Variants in EFHB observed in about 807,000 individuals in gnomAD.
The protein encoded by EFHB is EF-hand domain-containing family member B.
Under a neutral mutation model 87.2 loss-of-function variants are expected in EFHB, and 91 were observed. The observed-to-expected ratio is 1.04, with a 90% confidence interval of 0.88 to 1.24. EFHB has a LOEUF of 1.24. EFHB is among the 50% of genes most tolerant of loss of function. The probability of loss-of-function intolerance (pLI) is 0.00; values close to 1 mark genes in which losing one functional copy is unlikely to be tolerated. For synonymous variants in EFHB, 325 were observed against 333.6 expected (o/e 0.97, Z 0.28); for missense variants, 1,084 against 998.8 (o/e 1.09, Z -1.15).
At chr3:19,909,459 C>G (rs1694982270) in intron 5 of EFHB, among the ~76,000 whole-genome samples, 1 of 152,226 alleles carries the variant, frequency 6.6e-6, no homozygotes, top group Non-Finnish European at 1.5e-5. Context: ...CACTCTGTGT[C>G]TCCAAGTAAC....
intron 1 of EFHB, among the ~76,000 whole-genome samples, chr3:19,942,699 C>T (rs1009696415): frequency 6.6e-6 from 1 of 152,132 alleles, no homozygotes; most frequent in South Asian, 2.1e-4. Flanking sequence ...AAGAGAGTGA[C>T]AGATCATCAG....
intron 10 of EFHB, among the ~76,000 whole-genome samples, chr3:19,888,098 C>T (rs1417156780): frequency 6.6e-6 from 1 of 152,162 alleles, no homozygotes; most frequent in Non-Finnish European, 1.5e-5. Context: ...TTCTTTCCTA[C>T]ACTACTACAG....
chr3:19,895,548 T>G (rs1694453562), intron 9 of EFHB, among the ~76,000 whole-genome samples: 1 of 152,134 alleles, frequency 6.6e-6, no homozygotes, highest in Non-Finnish European at 1.5e-5. Flanking sequence ...GATGATCATC[T>G]TTCCTTTAAT....
chr3:19,934,031 C>A lies in EFHB; in HGVS notation c.-13G>T. 6.3e-7 allele frequency: 1 copy of A among 1,580,426 alleles called. No individual in the cohort carries two copies. The highest frequency in any genetic ancestry group is 2.3e-5 in the East Asian group (1 of 43,882). On this transcript the variant is annotated 5_prime_UTR_variant, in exon 1 of 13. Transcript: ENST00000295824. Reference sequence around the variant, plus strand: ...TCTCCATGTTCATGGACGATTTCTCCCCATTCTCATTTCTCCAAGAGCGCT... The same window carrying A: ...TCTCCATGTTCATGGACGATTTCTCACCATTCTCATTTCTCCAAGAGCGCT...
chr3:19,919,322 G>A (rs919311377), intron 3 of EFHB, among the ~76,000 whole-genome samples: 5 of 150,948 alleles, frequency 3.3e-5, no homozygotes, highest in African/African-American at 9.7e-5. Context: ...TCAGCCTCCC[G>A]AGTAGCTGGG....
chr3:19,915,757 T>TAA (rs58066421), intron 4 of EFHB, among the ~76,000 whole-genome samples: 17 of 141,398 alleles, frequency 1.2e-4, no homozygotes, highest in East Asian at 4.3e-4. Flanking sequence ...CCATTTCTAC[T>TAA]AAAAAAAAAA....
At chr3:19,909,460 T>C (rs1034581533) in intron 5 of EFHB, among the ~76,000 whole-genome samples, 2 of 152,158 alleles carry the variant, frequency 1.3e-5, no homozygotes, top group African/African-American at 4.8e-5. Context: ...ACTCTGTGTC[T>C]CCAAGTAACC....
chr3:19,909,455 G>A (rs765721175), intron 5 of EFHB, among the ~76,000 whole-genome samples: 1 of 152,214 alleles, frequency 6.6e-6, no homozygotes, highest in Non-Finnish European at 1.5e-5. Context: ...ACAGCACTCT[G>A]TGTCTCCAAG....
chr3:19,908,652 GAAAA>G (rs1188536789), intron 5 of EFHB, among the ~76,000 whole-genome samples: 1 of 148,558 alleles, frequency 6.7e-6, no homozygotes, highest in Non-Finnish European at 1.5e-5. Context: ...AAGAAAGAAA[GAAAA>G]AGAAAGTTCT....
chr3:19,879,625 A>G lies in EFHB; in HGVS notation c.*6T>C. The G allele has an allele frequency of 6.5e-7, 1 of 1,548,108 alleles. No individual in the cohort carries two copies. The highest frequency in any genetic ancestry group is 8.7e-7 in the Non-Finnish European group (1 of 1,150,042). On this transcript the variant is annotated 3_prime_UTR_variant, in exon 13 of 13. Coordinates refer to ENST00000295824, the MANE Select transcript of EFHB (RefSeq NM_144715.4). ...CTTTTGCTTGAATGAATGAAGTCCA[A>G]AAATATCACATGAGTGTTTTACACT... is the stretch of plus-strand genomic sequence containing the variant.
intron 10 of EFHB, among the ~76,000 whole-genome samples, chr3:19,887,765 T>C (rs1694157206): frequency 6.6e-6 from 1 of 152,238 alleles, no homozygotes; most frequent in African/African-American, 2.4e-5. Context: ...GATGTAAACA[T>C]TATAACATTT....
chr3:19,920,979 G>A (rs1023964892), intron 1 of EFHB, among the ~76,000 whole-genome samples: 4 of 152,072 alleles, frequency 2.6e-5, no homozygotes, highest in African/African-American at 4.8e-5. Context: ...CCAGGAGTTC[G>A]AGGCTACAGT....
intron 1 of EFHB, among the ~76,000 whole-genome samples, chr3:19,921,046 C>T (rs1255194262): frequency 2.6e-5 from 4 of 151,686 alleles, no homozygotes; most frequent in Admixed American, 2.0e-4. Flanking sequence ...ACCTTGCCTC[C>T]GAAAATAAAT....
Position 19,933,962 on chromosome 3 carries a change from C to A in EFHB, c.57G>T (p.Arg19Ser). 6.2e-7 allele frequency: 1 copy of A among 1,613,166 alleles called. No individual in the cohort carries two copies. Among genetic ancestry groups the A allele is most frequent in the Non-Finnish European group, 8.5e-7 (1 of 1,179,490 alleles). The change falls in exon 1 of 13, where the codon AGG becomes AGT. Residue 19 changes from arginine to serine, a missense_variant. By Grantham distance (110) the Arg-to-Ser change is moderately radical. Coordinates refer to ENST00000295824, the MANE Select transcript of EFHB (RefSeq NM_144715.4). The stretch of plus-strand genomic sequence containing the variant: ...TGGGAAATTTTGTTCCCATGATGAC[C>A]CTCTTGTCTCCTAAATCATCCTTTC... ...HEGKDDLGDK[R>S]VIMGTKFPME... is the part of the protein sequence containing the mutation.
At chr3:19,911,122 C>T (rs1047788486) in intron 5 of EFHB, among the ~76,000 whole-genome samples, 2 of 152,170 alleles carry the variant, frequency 1.3e-5, no homozygotes, top group African/African-American at 4.8e-5. Context: ...AAGGAACAAT[C>T]ATGGAGCAAC....
chr3:19,930,779 T>C (rs891016789), intron 1 of EFHB, among the ~76,000 whole-genome samples: 1 of 152,102 alleles, frequency 6.6e-6, no homozygotes, highest in Non-Finnish European at 1.5e-5. Context: ...ATTTTTCTTT[T>C]TTGTATAGGC....
chr3:19,885,126 A>C (rs1447484591), intron 10 of EFHB, among the ~76,000 whole-genome samples: 1 of 151,816 alleles, frequency 6.6e-6, no homozygotes, highest in Non-Finnish European at 1.5e-5. Context: ...GGAGGCTGAG[A>C]CAGGAGAATC....
At chr3:19,896,957 C>CT in intron 8 of EFHB, 116 bp from the exon 9 acceptor site, 2 of 897,326 alleles carry the variant, frequency 2.2e-6, no homozygotes, top group Non-Finnish European at 3.3e-6. Context: ...ACATCTAACT[C>CT]TGACATGATT....
At chr3:19,895,681 G>A (rs1694457908) in intron 9 of EFHB, among the ~76,000 whole-genome samples, 1 of 152,064 alleles carries the variant, frequency 6.6e-6, no homozygotes. Flanking sequence ...AAGTAAAAAG[G>A]TGTGCATAAT....
Sources: allele counts gnomAD v4.1 joint callset (sites outside exome capture counted in the v4.1 genomes callset), GRCh38; gene constraint gnomAD v4.1.1; transcripts MANE v1.5; gene names NCBI Gene and HGNC (gene_info 2026-07-23, HGNC 2026-07-21).